Variants in PCDHA1 observed in about 807,000 individuals in gnomAD.
PCDHA1 encodes the protein protocadherin alpha-1.
In PCDHA1, 42 loss-of-function variants were observed where a neutral mutation model predicts 61.3. The observed-to-expected ratio is 0.69, with a 90% CI of 0.54 to 0.89. The LOEUF (loss-of-function observed/expected upper bound fraction) is 0.89. Ranked by LOEUF, PCDHA1 falls within the 40% of genes least tolerant of loss-of-function variation. The pLI, the probability that PCDHA1 is intolerant of heterozygous loss-of-function variation, is 0.00. For synonymous variants in PCDHA1, 610 were observed against 553.8 expected (o/e 1.10, Z -1.43); for missense variants, 1,256 against 1,235.3 (o/e 1.02, Z -0.25).
intron 1 of PCDHA1, among the ~76,000 whole-genome samples, chr5:140,962,688 G>C (rs1433931568): frequency 2.0e-5 from 3 of 152,164 alleles, no homozygotes; most frequent in African/African-American, 7.2e-5. Context: ...TGTTTTATCT[G>C]TAAATAATGC....
intron 1 of PCDHA1, among the ~76,000 whole-genome samples, chr5:140,908,751 C>T (rs1302522906): frequency 6.6e-6 from 1 of 152,170 alleles, no homozygotes; most frequent in Non-Finnish European, 1.5e-5. Context: ...GCAACTTGCA[C>T]ACAGCCTGGA....
At chr5:141,008,809 C>T (rs1397377778) in intron 3 of PCDHA1, among the ~76,000 whole-genome samples, 2 of 152,160 alleles carry the variant, frequency 1.3e-5, no homozygotes, top group African/African-American at 4.8e-5. Flanking sequence ...CAAATAGGCT[C>T]AATTTACAAC....
intron 1 of PCDHA1, among the ~76,000 whole-genome samples, chr5:140,873,350 A>G (rs251374): frequency 0.7 from 106,869 of 152,104 alleles, 38,096 homozygotes; most frequent in African/African-American, 0.82. Context: ...TCCAGATGAA[A>G]TTTTTGGAAT....
In PCDHA1 at chr5:140,843,436, C is replaced by T; in HGVS notation, c.2394+54752C>T. On this transcript the variant is annotated intron_variant, in intron 1 of 3. Coordinates refer to ENST00000504120, the MANE Select transcript of PCDHA1 (RefSeq NM_018900.4). ...ACGTGTACCTGATCATCGCCATCTG[C>T]GCGGTATCCAGCCTGCTGGTGCTCA... 2.5e-6 allele frequency: 4 copies of T among 1,596,080 alleles called. 1 individual carries two copies. The highest frequency in any genetic ancestry group is 3.4e-6 in the Non-Finnish European group (4 of 1,165,610).
At chr5:140,835,552 C>G (rs550090383) in intron 1 of PCDHA1, 1 of 1,613,824 alleles carries the variant, frequency 6.2e-7, no homozygotes. Flanking sequence ...TGCTCCCTGA[C>G]GCCCCGCGTT....
chr5:140,914,944 C>CTTT (rs35695909), intron 1 of PCDHA1, among the ~76,000 whole-genome samples: 2 of 128,266 alleles, frequency 1.6e-5, no homozygotes, highest in Non-Finnish European at 3.3e-5. Context: ...GAAAAGTTGT[C>CTTT]TTTTTTTTTT....
At chr5:140,822,799 G>T in intron 1 of PCDHA1, 1 of 1,614,160 alleles carries the variant, frequency 6.2e-7, no homozygotes, top group East Asian at 2.2e-5. Context: ...ACTCCTGGAT[G>T]TGAATGATAA....
chr5:140,801,644 C>T, intron 1 of PCDHA1: 1 of 1,614,188 alleles, frequency 6.2e-7, no homozygotes, highest in Non-Finnish European at 8.5e-7. Context: ...GACAGCCTGG[C>T]TCTCGGTTTT....
At chr5:140,823,487 G>T in intron 1 of PCDHA1, 3 of 1,613,262 alleles carry the variant, frequency 1.9e-6, no homozygotes, top group Non-Finnish European at 2.5e-6. Context: ...CGAGTGGGTG[G>T]CACCGGCGGC....
intron 1 of PCDHA1, among the ~76,000 whole-genome samples, chr5:140,941,409 C>T (rs1284702446): frequency 2.7e-5 from 4 of 149,924 alleles, no homozygotes; most frequent in Admixed American, 1.3e-4. Flanking sequence ...CTCCGCCTCC[C>T]GGGTTCAAGC....
chr5:140,821,865 C>A, intron 1 of PCDHA1: 1 of 1,614,214 alleles, frequency 6.2e-7, no homozygotes, highest in Non-Finnish European at 8.5e-7. Flanking sequence ...GCGGCCAGCT[C>A]CACTACTCGA....
At chr5:140,934,196 C>T in intron 1 of PCDHA1, among the ~76,000 whole-genome samples, 1 of 152,068 alleles carries the variant, frequency 6.6e-6, no homozygotes, top group East Asian at 1.9e-4. Context: ...CTTTTCATTT[C>T]TATTTCCTCA....
At chr5:140,941,253 T>TTCTTTCTTTCTC (rs1563187863) in intron 1 of PCDHA1, among the ~76,000 whole-genome samples, 4 of 64,962 alleles carry the variant, frequency 6.2e-5, no homozygotes, top group Non-Finnish European at 1.0e-4. Flanking sequence ...CTTTCTTTCT[T>TTCTTTCTTTCTC]TCTCTTTCTT....
intron 1 of PCDHA1, chr5:140,807,895 T>A (rs141163311): frequency 9.3e-6 from 15 of 1,613,994 alleles, no homozygotes; most frequent in African/African-American, 4.0e-5. Flanking sequence ...TGGATGCCAA[T>A]GACAATGCCC....
chr5:140,882,666 T>G, intron 1 of PCDHA1: 1 of 1,614,160 alleles, frequency 6.2e-7, no homozygotes, highest in Non-Finnish European at 8.5e-7. Flanking sequence ...CCGCCCATAT[T>G]CCCTGAAAGC....
At chr5:140,993,032 G>A (rs1356944264) in intron 3 of PCDHA1, among the ~76,000 whole-genome samples, 2 of 152,286 alleles carry the variant, frequency 1.3e-5, no homozygotes, top group South Asian at 2.1e-4. Flanking sequence ...TGTGGGCTCC[G>A]TGTGTCATCA....
At chr5:140,935,638 T>G (rs1452378093) in intron 1 of PCDHA1, among the ~76,000 whole-genome samples, 2 of 152,214 alleles carry the variant, frequency 1.3e-5, no homozygotes, top group Admixed American at 6.5e-5. Context: ...TAGGGCTTGC[T>G]TTTTAAATTT....
intron 1 of PCDHA1, chr5:140,843,553 G>C (rs1275122592): frequency 1.3e-6 from 2 of 1,595,812 alleles, no homozygotes; most frequent in Non-Finnish European, 1.7e-6. Flanking sequence ...GCTCCAGTGC[G>C]GTGGGGAGCT....
intron 1 of PCDHA1, chr5:140,875,423 G>T: frequency 6.6e-7 from 1 of 1,524,996 alleles, no homozygotes; most frequent in Non-Finnish European, 8.8e-7. Context: ...CCTCAGGCAA[G>T]CGATCCCTTA....
Sources: gnomAD v4.1 joint callset for allele counts (sites outside exome capture counted in the v4.1 genomes callset) on GRCh38, gnomAD v4.1.1 for gene constraint, MANE v1.5 for transcripts, NCBI Gene and HGNC (gene_info 2026-07-23, HGNC 2026-07-21) for gene names.